The following FBXL18 variants were observed in gnomAD, a reference collection of about 807,000 sequenced individuals.
FBXL18 encodes F-box and leucine rich repeat protein 18, also known as F-box/LRR-repeat protein 18.
Under a neutral mutation model 46.0 loss-of-function variants are expected in FBXL18, and 36 were observed. The ratio of observed to expected loss-of-function variants is 0.78; its 90% CI spans 0.60 to 1.03. The LOEUF (loss-of-function observed/expected upper bound fraction) is 1.03. Among genes scored for constraint, FBXL18 ranks in the 50% least tolerant of loss-of-function variants. The pLI is 0.00. For missense variants in FBXL18, 977 were observed against 1,004.1 expected (o/e 0.97, Z 0.36); for synonymous variants, 557 against 465.3 (o/e 1.20, Z -2.54).
chr7:5,461,760 G>T (rs1485608283), intron 4 of FBXL18, among the ~76,000 whole-genome samples: 2 of 152,078 alleles, frequency 1.3e-5, no homozygotes, highest in Non-Finnish European at 2.9e-5. Context: ...GGCCAATATG[G>T]TGAAACCCTG....
rs1038974437 is a variant in FBXL18, at chr7:5,489,727, C to T, written c.2000+1504G>A. 7 of 227,620 alleles carry T rather than the reference C, an allele frequency of 3.1e-5. No individual in the cohort carries two copies. The East Asian group carries it at 3.5e-4, about 11-fold the overall frequency. 14.1% of individuals were successfully genotyped at this position (227,620 alleles called of 1,614,324 possible). A position where few individuals can be genotyped will look rare whatever the true frequency, so the allele number is the denominator to read the frequency against. On this transcript the variant is annotated intron_variant, in intron 4 of 4. Transcript: ENST00000382368. Reference sequence around the variant, plus strand: ...CCGGGAGGCAGAGCTTGCAGCGAGCCGAGATCACGCCACTGCACTCCAGCC... The same window carrying T: ...CCGGGAGGCAGAGCTTGCAGCGAGCTGAGATCACGCCACTGCACTCCAGCC...
Position 5,501,595 on chromosome 7 carries a change from G to A in FBXL18, c.674C>T (p.Pro225Leu), listed in dbSNP as rs750681821. The change falls in exon 3 of 5, where the codon CCG (proline) becomes CTG (leucine). Residue 225 changes from proline (P) to leucine (L), a missense_variant. By Grantham distance (98) the Pro-to-Leu change is moderately conservative. Transcript: ENST00000382368. ...GQLMVGQSNVPHYQNLRVFYA... is the reference protein window; with the variant it reads ...GQLMVGQSNVLHYQNLRVFYA... ...GAAGACCCGCAGGTTCTGGTAGTGC[G>A]GCACGTTGCTCTGGCCCACCATAAG... 7.4e-6 allele frequency: 12 copies of A among 1,613,742 alleles called. No homozygotes were observed. Among genetic ancestry groups the A allele is most frequent in the Middle Eastern group, 1.6e-4 (1 of 6,082 alleles).
Position 5,481,728 on chromosome 7 carries a change from T to G in FBXL18, c.*47A>C. 1 of 1,604,138 alleles carries G rather than the reference T, an allele frequency of 6.2e-7. No homozygotes were observed. Among genetic ancestry groups the G allele is most frequent in the Non-Finnish European group, 8.5e-7 (1 of 1,174,690 alleles). ...AAGGGTCCCTGGCGTCCCAGGCTCC[T>G]GCAGCTTCTCGAGGTGACTGAGACC... On this transcript the variant is annotated 3_prime_UTR_variant, in exon 5 of 5. Coordinates refer to ENST00000382368, the MANE Select transcript of FBXL18 (RefSeq NM_024963.6).
intron 4 of FBXL18, among the ~76,000 whole-genome samples, 189 bp from the exon 5 acceptor site, chr7:5,482,120 TG>T (rs891326980): frequency 6.6e-6 from 1 of 152,098 alleles, no homozygotes; most frequent in African/African-American, 2.4e-5. Flanking sequence ...CAGACAGAGC[TG>T]GGGAGGAGCA....
intron 4 of FBXL18, among the ~76,000 whole-genome samples, chr7:5,458,503 G>T (rs1043354374): frequency 1.3e-5 from 2 of 151,958 alleles, no homozygotes; most frequent in African/African-American, 2.4e-5. Flanking sequence ...TTCGAGACCA[G>T]CCTGATCTAC....
downstream of FBXL18, among the ~76,000 whole-genome samples, chr7:5,473,128 G>A (rs558771923): frequency 6.6e-6 from 1 of 152,208 alleles, no homozygotes; most frequent in South Asian, 2.1e-4. Flanking sequence ...ACCAGGGGAC[G>A]GTGTGTACAT....
rs1175254188 is a variant in FBXL18, at chr7:5,482,005, G to C, written c.2001-74C>G. ...GGGCGGAGCCTGCTGGGGAAGCCCA[G>C]GAGGCACTCACACCTGCCTCCCCGT... On this transcript the variant is annotated intron_variant, in intron 4 of 4. Transcript: ENST00000382368. 6.6e-6 allele frequency: 10 copies of C among 1,516,870 alleles called. No homozygotes were observed. In the Admixed American group the frequency reaches 1.0e-4, roughly 16 times the overall value. The allele number at this position is 1,516,870 out of a possible 1,614,324, so 94.0% of individuals were successfully genotyped here. A position where few individuals can be genotyped will look rare whatever the true frequency, so the allele number is the denominator to read the frequency against.
chr7:5,462,967 AAAATATAT>A (rs1443139291), intron 4 of FBXL18, among the ~76,000 whole-genome samples: 21 of 17,004 alleles, frequency 1.2e-3, no homozygotes, highest in South Asian at 6.7e-3. Context: ...AAAAAAAAAA[AAAATATAT>A]ATATATATAT....
intron 3 of FBXL18, among the ~76,000 whole-genome samples, chr7:5,493,615 A>G (rs1562694123): frequency 6.7e-6 from 1 of 150,294 alleles, no homozygotes; most frequent in Admixed American, 6.6e-5. Flanking sequence ...TTTTAAAAGA[A>G]TAAAGGAAGT....
Position 5,501,811 on chromosome 7 carries a change from A to T in FBXL18, c.458T>A (p.Val153Glu). Residue 153 changes from valine (V) to glutamate (E), a missense_variant, in exon 3 of 5, where the codon GTG becomes GAG. By Grantham distance (121) the Val-to-Glu change is moderately radical. Transcript: ENST00000382368. ...LQHLRSLAID[V>E]SPGFDASQLS... ...CTGGCTGGCGTCGAAGCCGGGGCTC[A>T]CGTCGATGGCCAGCGAGCGCAGGTG... The T allele has an allele frequency of 6.3e-7, 1 of 1,579,354 alleles. No homozygotes were observed. The highest frequency in any genetic ancestry group is 8.6e-7 in the Non-Finnish European group (1 of 1,163,534).
intron 2 of FBXL18, among the ~76,000 whole-genome samples, chr7:5,503,319 C>T (rs915862778): frequency 7.9e-5 from 12 of 152,066 alleles, no homozygotes; most frequent in African/African-American, 2.9e-4. Flanking sequence ...GGGAGGTGGA[C>T]GTTGCAGTGA....
At chr7:5,491,660 C>T (rs1783930342) in intron 3 of FBXL18, among the ~76,000 whole-genome samples, 1 of 152,190 alleles carries the variant, frequency 6.6e-6, no homozygotes. Flanking sequence ...TTGGAGGCGA[C>T]CCGGTGGGCC....
intron 4 of FBXL18, among the ~76,000 whole-genome samples, chr7:5,468,670 G>C (rs1181945141): frequency 6.6e-6 from 1 of 151,996 alleles, no homozygotes; most frequent in East Asian, 1.9e-4. Context: ...TGGTGATCTT[G>C]GCTCTCTGCA....
intron 4 of FBXL18, chr7:5,489,938 CTG>C: frequency 8.1e-7 from 1 of 1,230,278 alleles, no homozygotes; most frequent in Non-Finnish European, 1.1e-6. Context: ...GAGTGAGACT[CTG>C]TCTCAAACAA....
chr7:5,484,249 C>T (rs12537935), intron 4 of FBXL18, among the ~76,000 whole-genome samples: 21,749 of 151,900 alleles, frequency 0.14, 1,674 homozygotes, highest in South Asian at 0.27. Flanking sequence ...GGGTGGATCA[C>T]GAGGTCAGGA....
intron 3 of FBXL18, among the ~76,000 whole-genome samples, chr7:5,493,843 G>C (rs1364818679): frequency 1.3e-5 from 2 of 151,778 alleles, no homozygotes; most frequent in African/African-American, 4.8e-5. Flanking sequence ...GATTTAAGCA[G>C]AAATTCTCAG....
chr7:5,505,370 G>C, intron 2 of FBXL18, 42 bp downstream of exon 2: 1 of 1,577,216 alleles, frequency 6.3e-7, no homozygotes, highest in Non-Finnish European at 8.7e-7. Flanking sequence ...CAAAGACTGA[G>C]ATCTAGCTTG....
Position 5,461,580 on chromosome 7 carries a change from CTGCAG to C in FBXL18, c.2001-13742_2001-13738del, listed in dbSNP as rs1292839113. 2.0e-5 allele frequency among the ~76,000 whole-genome samples: 3 copies of C among 152,128 alleles called. No homozygotes were observed. The East Asian group carries it at 5.8e-4, about 29-fold the overall frequency. ...ATTGCTTACACCCAGGAGGTCAAGGCTGCAGTGAGTTATGATCGTGCCACTACACT... is the reference window on the plus strand; with the variant it reads ...ATTGCTTACACCCAGGAGGTCAAGGCTGAGTTATGATCGTGCCACTACACT... On this transcript the variant is annotated intron_variant and NMD_transcript_variant, in intron 4 of 6. Coordinates refer to the FBXL18 transcript ENST00000415009.
At chr7:5,474,405 C>T (rs1402064975), downstream of FBXL18, among the ~76,000 whole-genome samples, 2 of 150,376 alleles carry the variant, frequency 1.3e-5, no homozygotes, top group Non-Finnish European at 3.0e-5. Flanking sequence ...ACCTCCCAGG[C>T]TCAAGCGATC....
Sources: allele counts gnomAD v4.1 joint callset (sites outside exome capture counted in the v4.1 genomes callset), GRCh38; gene constraint gnomAD v4.1.1; transcripts MANE v1.5; gene names NCBI Gene and HGNC (gene_info 2026-07-23, HGNC 2026-07-21).